The following PLCB4 variants were observed in gnomAD, a reference collection of about 807,000 sequenced individuals.
PLCB4 encodes the protein phospholipase C beta 4.
In PLCB4, 77 loss-of-function variants were observed where a neutral mutation model predicts 178.8. The observed-to-expected ratio is 0.43, with a 90% CI of 0.36 to 0.52. The LOEUF is 0.52. PLCB4 is among the 20% of genes least tolerant of loss of function. The pLI is 0.00. For missense variants in PLCB4, 1,024 were observed against 1,453.4 expected, an observed-to-expected ratio of 0.70 and a Z score of 4.80; for synonymous variants, 496 against 490.8, an observed-to-expected ratio of 1.01 and a Z score of -0.14.
intron 32 of PLCB4, among the ~76,000 whole-genome samples, chr20:9,449,484 G>A (rs943746924): frequency 6.6e-6 from 1 of 152,156 alleles, no homozygotes; most frequent in African/African-American, 2.4e-5. Context: ...TGCCTGGAGA[G>A]TAGATGGGTC....
chr20:9,367,733 T>C (rs770772543), intron 9 of PLCB4, among the ~76,000 whole-genome samples: 3 of 152,254 alleles, frequency 2.0e-5, no homozygotes, highest in Non-Finnish European at 4.4e-5. Flanking sequence ...TTCATTTGTA[T>C]GTATCCTATG....
chr20:9,384,452 G>A lies in PLCB4; in HGVS notation c.1064+41G>A, dbSNP rs1446015058. 4 of 1,335,042 alleles carry A rather than the reference G, an allele frequency of 3.0e-6. No individual in the cohort carries two copies. The African/African-American group carries it at 5.8e-5, about 19-fold the overall frequency. 82.7% of individuals were successfully genotyped at this position (1,335,042 alleles called of 1,614,324 possible). A position where few individuals can be genotyped will look rare whatever the true frequency, so the allele number is the denominator to read the frequency against. On this transcript the variant is annotated intron_variant, in intron 14 of 39. Transcript: ENST00000378473. ...TGGCAATTTGTTTTTTGTGTGTGAT[G>A]CCCTTCAGTTTAATTTACTTTTCTC... is the stretch of plus-strand genomic sequence containing the variant.
chr20:9,458,642 A>G (rs1459482189), intron 34 of PLCB4, among the ~76,000 whole-genome samples: 2 of 151,982 alleles, frequency 1.3e-5, no homozygotes, highest in Non-Finnish European at 2.9e-5. Context: ...TTCCTACATG[A>G]CCTATCAACC....
intron 2 of PLCB4, among the ~76,000 whole-genome samples, chr20:9,188,554 T>C (rs866848582): frequency 4.4e-5 from 6 of 135,682 alleles, no homozygotes; most frequent in East Asian, 2.2e-4. Flanking sequence ...TAACTGTTCA[T>C]TGTGGAGGGC....
At chr20:9,271,068 C>T (rs2223410) in intron 3 of PLCB4, among the ~76,000 whole-genome samples, 19,420 of 152,100 alleles carry the variant, frequency 0.13, 2,078 homozygotes, top group East Asian at 0.32. Context: ...AAGGTTACAA[C>T]ATTCTGTTTT....
intron 2 of PLCB4, among the ~76,000 whole-genome samples, chr20:9,214,025 G>A (rs550244025): frequency 6.6e-6 from 1 of 152,190 alleles, no homozygotes; most frequent in East Asian, 1.9e-4. Context: ...TTACATCCTG[G>A]ATAAAAGTTC....
In PLCB4 at chr20:9,409,798, A is replaced by G. The variant is rs556837521; in HGVS notation, c.1999+617A>G. On this transcript the variant is annotated intron_variant, in intron 24 of 39. Transcript: ENST00000378473. ...GGAAGGAAAAGAGTAAATTTTTATA[A>G]TTGATAAACACATTTTTAAAATTTT... Among the ~76,000 whole-genome samples, 275 of 152,270 alleles carry G rather than the reference A, an allele frequency of 1.8e-3. 1 individual carries two copies. The South Asian group carries it at 0.019, about 10-fold the overall frequency.
At chr20:9,170,236 A>G in intron 2 of PLCB4, among the ~76,000 whole-genome samples, 1 of 152,198 alleles carries the variant, frequency 6.6e-6, no homozygotes, top group East Asian at 1.9e-4. Context: ...GATCAGTTTT[A>G]TTTCATGCAA....
intron 2 of PLCB4, among the ~76,000 whole-genome samples, chr20:9,165,793 T>TTGTGTGTG (rs3036061): frequency 0.019 from 2,706 of 139,712 alleles, 69 homozygotes; most frequent in African/African-American, 0.055. Flanking sequence ...CTGGGGCTGT[T>TTGTGTGTG]TGTGTGTGTG....
Position 9,462,595 on chromosome 20 carries a change from A to T in PLCB4, c.3248+2785A>T, listed in dbSNP as rs141818307. 6.1e-3 allele frequency among the ~76,000 whole-genome samples: 921 copies of T among 152,212 alleles called. 3 individuals are homozygous for T. The highest frequency in any genetic ancestry group is 8.1e-3 in the Non-Finnish European group (550 of 68,028). ...AAATGACCTGACGGAGCTGAAAACC[A>T]TGGCACGAGAGCTTCGTGACACATG... On this transcript the variant is annotated intron_variant, in intron 35 of 39. Transcript: ENST00000378473.
At chr20:9,397,672 T>C (rs138309137) in intron 19 of PLCB4, among the ~76,000 whole-genome samples, 29 of 152,326 alleles carry the variant, frequency 1.9e-4, no homozygotes, top group African/African-American at 7.0e-4. Flanking sequence ...AGTCCTTGGG[T>C]TTGACATTAC....
At chr20:9,416,167 T>C (rs1453068227) in intron 25 of PLCB4, among the ~76,000 whole-genome samples, 1 of 152,200 alleles carries the variant, frequency 6.6e-6, no homozygotes, top group Non-Finnish European at 1.5e-5. Flanking sequence ...CTGCCATTTC[T>C]CATTTTGGAT....
intron 3 of PLCB4, among the ~76,000 whole-genome samples, chr20:9,282,735 A>G (rs1390555235): frequency 6.6e-6 from 1 of 151,172 alleles, no homozygotes; most frequent in Non-Finnish European, 1.5e-5. Flanking sequence ...AGTTCTCTGT[A>G]TTTGTTGAGT....
intron 7 of PLCB4, among the ~76,000 whole-genome samples, chr20:9,343,405 C>T (rs957207958): frequency 1.3e-5 from 2 of 152,124 alleles, no homozygotes; most frequent in East Asian, 3.9e-4. Flanking sequence ...CAAAGAGGGT[C>T]TCTGATAGTT....
intron 3 of PLCB4, among the ~76,000 whole-genome samples, chr20:9,287,823 A>G (rs1362114820): frequency 6.6e-6 from 1 of 152,106 alleles, no homozygotes; most frequent in Non-Finnish European, 1.5e-5. Flanking sequence ...TCTGCATTTC[A>G]TGGCTTAATC....
At chr20:9,294,874 C>T (rs2094616087) in intron 3 of PLCB4, among the ~76,000 whole-genome samples, 1 of 152,074 alleles carries the variant, frequency 6.6e-6, no homozygotes, top group Non-Finnish European at 1.5e-5. Flanking sequence ...AAGGCAAATC[C>T]AGGGACCTAA....
chr20:9,473,070 C>T (rs766807645), intron 37 of PLCB4, among the ~76,000 whole-genome samples: 19 of 152,018 alleles, frequency 1.2e-4, no homozygotes, highest in Non-Finnish European at 1.9e-4. Context: ...TTTAGTCATG[C>T]GTAAGTCCTC....
Position 9,390,756 on chromosome 20 carries a change from G to A in PLCB4, c.1323+141G>A, listed in dbSNP as rs549018435. 4 of 522,106 alleles carry A rather than the reference G, an allele frequency of 7.7e-6. No individual in the cohort carries two copies. In the African/African-American group the frequency reaches 7.8e-5, roughly 10 times the overall value. 32.3% of individuals were successfully genotyped at this position (522,106 alleles called of 1,614,324 possible). On this transcript the variant is annotated intron_variant, in intron 17 of 39. Coordinates refer to ENST00000378473, the MANE Select transcript of PLCB4 (RefSeq NM_001377142.1). ...CTTTGGTACGGAAAGCTTACATCATGCTTCAGAGGGATGTAAAGAGACACA... is the reference window on the plus strand; with the variant it reads ...CTTTGGTACGGAAAGCTTACATCATACTTCAGAGGGATGTAAAGAGACACA...
At chr20:9,238,055 G>A (rs1437835188) in intron 3 of PLCB4, among the ~76,000 whole-genome samples, 1 of 152,138 alleles carries the variant, frequency 6.6e-6, no homozygotes, top group African/African-American at 2.4e-5. Context: ...GATAGGGACT[G>A]CGAAAGAAGG....
Sources: gnomAD v4.1 joint callset for allele counts (sites outside exome capture counted in the v4.1 genomes callset) on GRCh38, gnomAD v4.1.1 for gene constraint, MANE v1.5 for transcripts, NCBI Gene and HGNC (gene_info 2026-07-23, HGNC 2026-07-21) for gene names.